Variants in SPATA13 observed in about 807,000 individuals in gnomAD.
SPATA13 encodes spermatogenesis-associated protein 13.
Under a neutral mutation model 104.0 loss-of-function variants are expected in SPATA13, and 50 were observed. That is an observed-to-expected ratio of 0.48 (90% CI 0.38 to 0.61). The LOEUF is 0.61. Ranked by LOEUF, SPATA13 falls within the 20% of genes least tolerant of loss-of-function variation. SPATA13 has a pLI of 0.00. For synonymous variants in SPATA13, 606 were observed against 667.5 expected (o/e 0.91, Z 1.42); for missense variants, 1,524 against 1,690.6 (o/e 0.90, Z 1.73).
At chr13:24,070,735 C>A (rs1176512608) in intron 3 of SPATA13, among the ~76,000 whole-genome samples, 1 of 152,156 alleles carries the variant, frequency 6.6e-6, no homozygotes, top group Non-Finnish European at 1.5e-5. Context: ...TTAAAGGCCT[C>A]AATAGAACGG....
intron 3 of SPATA13, among the ~76,000 whole-genome samples, chr13:24,141,574 T>G (rs1201986613): frequency 6.6e-6 from 1 of 152,170 alleles, no homozygotes; most frequent in Admixed American, 6.5e-5. Flanking sequence ...ATAGAGCTTA[T>G]CCAGATAACA....
At chr13:24,247,925 CAAG>C (rs887000164) in intron 2 of SPATA13, among the ~76,000 whole-genome samples, 2 of 152,106 alleles carry the variant, frequency 1.3e-5, no homozygotes, top group Admixed American at 1.3e-4. Context: ...TTTGGTTTCT[CAAG>C]GAGGGAGCCG....
intron 4 of SPATA13, among the ~76,000 whole-genome samples, chr13:24,253,431 C>T (rs1301701597): frequency 6.6e-6 from 1 of 151,124 alleles, no homozygotes; most frequent in Non-Finnish European, 1.5e-5. Flanking sequence ...GATAACTAGT[C>T]CTCCAGTTCC....
intron 1 of SPATA13, among the ~76,000 whole-genome samples, chr13:24,211,743 C>G (rs551009781): frequency 4.6e-5 from 7 of 152,202 alleles, no homozygotes; most frequent in Admixed American, 2.0e-4. Context: ...CGATGATGGC[C>G]TCTGCTGCCA....
chr13:24,075,433 A>G (rs2137771228), intron 3 of SPATA13, among the ~76,000 whole-genome samples: 1 of 152,340 alleles, frequency 6.6e-6, no homozygotes, highest in Middle Eastern at 3.4e-3. Context: ...AATAAAACAA[A>G]TGTTAATAAA....
chr13:24,056,572 A>ATTGC (rs1181530382), intron 3 of SPATA13, among the ~76,000 whole-genome samples: 1 of 152,140 alleles, frequency 6.6e-6, no homozygotes, highest in African/African-American at 2.4e-5. Flanking sequence ...TGTTGTGTGA[A>ATTGC]TTGCCTACTG....
chr13:24,136,841 T>A (rs527979387), intron 3 of SPATA13, among the ~76,000 whole-genome samples: 2,166 of 36,538 alleles, frequency 0.059, 732 homozygotes, highest in Non-Finnish European at 0.093. Flanking sequence ...TTATTTATTT[T>A]TTTTTTGAGA....
chr13:24,298,664 C>T (rs1211927849), intron 11 of SPATA13, among the ~76,000 whole-genome samples: 1 of 152,140 alleles, frequency 6.6e-6, no homozygotes, highest in Non-Finnish European at 1.5e-5. Context: ...CGGAGGGGAG[C>T]CAGCATACGC....
chr13:24,231,916 C>A lies in SPATA13; in HGVS notation c.1653+7334C>A, dbSNP rs573188522. Among the ~76,000 whole-genome samples the A allele has an allele frequency of 7.9e-5, 12 of 152,302 alleles. No homozygotes were observed. In the East Asian group the frequency reaches 2.3e-3, roughly 29 times the overall value. ...TCAAGTGATCTGATTTAGTGAAGTG[C>A]CGATTCAGATCTTTTGCTCATCATT... is the stretch of plus-strand genomic sequence containing the variant. On this transcript the variant is annotated intron_variant, in intron 2 of 12. Coordinates refer to ENST00000382108, the MANE Select transcript of SPATA13 (RefSeq NM_001166271.3).
At chr13:24,007,198 G>T (rs549419758) in intron 2 of SPATA13, among the ~76,000 whole-genome samples, 139 of 152,292 alleles carry the variant, frequency 9.1e-4, no homozygotes, top group Middle Eastern at 3.4e-3. Context: ...TGGCCCTGAG[G>T]CTCTGAGCCC....
chr13:24,044,233 CT>C (rs67709070), intron 3 of SPATA13, among the ~76,000 whole-genome samples: 27,416 of 122,556 alleles, frequency 0.22, 2,560 homozygotes, highest in African/African-American at 0.35. Context: ...TTCTTTCTTT[CT>C]TTTTTTTTTT....
At chr13:24,165,726 T>G (rs754240560) in intron 1 of SPATA13, among the ~76,000 whole-genome samples, 10 of 152,240 alleles carry the variant, frequency 6.6e-5, no homozygotes, top group Non-Finnish European at 1.2e-4. Flanking sequence ...GTGGTATTGC[T>G]GATCAGAACG....
chr13:24,282,169 G>GC (rs1353300769), intron 4 of SPATA13, among the ~76,000 whole-genome samples: 10 of 152,084 alleles, frequency 6.6e-5, no homozygotes, highest in African/African-American at 2.4e-4. Context: ...TGATGGTGGG[G>GC]GGTGGGAGTC....
At chr13:24,293,044 T>C (rs1243244585) in intron 9 of SPATA13, among the ~76,000 whole-genome samples, 1 of 140,936 alleles carries the variant, frequency 7.1e-6, no homozygotes, top group Non-Finnish European at 1.5e-5. Flanking sequence ...GGGGAGAGCC[T>C]TCTTACAATT....
chr13:24,092,944 G>A (rs752678730), intron 3 of SPATA13, among the ~76,000 whole-genome samples: 7 of 152,138 alleles, frequency 4.6e-5, no homozygotes, highest in Non-Finnish European at 8.8e-5. Context: ...TCTCATTAAC[G>A]TTGCAGATGA....
intron 3 of SPATA13, among the ~76,000 whole-genome samples, chr13:24,081,052 T>C (rs1208419175): frequency 1.1e-4 from 17 of 152,246 alleles, no homozygotes. Flanking sequence ...TTTGTTCTAT[T>C]CATTCATCTA....
At chr13:24,151,698 G>A (rs1426088735) in intron 3 of SPATA13, among the ~76,000 whole-genome samples, 4 of 152,022 alleles carry the variant, frequency 2.6e-5, no homozygotes, top group Non-Finnish European at 4.4e-5. Flanking sequence ...TACCAGAGAG[G>A]GCTCAGCTTC....
chr13:24,199,457 A>G (rs898420292), intron 1 of SPATA13, among the ~76,000 whole-genome samples: 1 of 152,242 alleles, frequency 6.6e-6, no homozygotes, highest in African/African-American at 2.4e-5. Context: ...TAGGAAAAGC[A>G]CTATGATGTC....
At chr13:24,058,068 A>G (rs1225919459) in intron 3 of SPATA13, among the ~76,000 whole-genome samples, 3 of 151,966 alleles carry the variant, frequency 2.0e-5, no homozygotes, top group South Asian at 2.1e-4. Flanking sequence ...CCATCTGGCC[A>G]TGCTGTGGCC....
Sources: gnomAD v4.1 joint callset for allele counts (sites outside exome capture counted in the v4.1 genomes callset) on GRCh38, gnomAD v4.1.1 for gene constraint, MANE v1.5 for transcripts, NCBI Gene and HGNC (gene_info 2026-07-23, HGNC 2026-07-21) for gene names.